QSER1: variants seen among roughly 807,000 people sequenced by gnomAD.
QSER1 encodes the protein glutamine and serine rich 1.
QSER1 carries 49 observed loss-of-function variants against 158.5 expected under a neutral mutation model. That is an observed-to-expected ratio of 0.31 (90% CI 0.25 to 0.39). QSER1 has a LOEUF of 0.39. QSER1 is among the 10% of genes least tolerant of loss of function. The pLI is 1.00. For missense variants in QSER1, 1,754 were observed against 2,010.3 expected, an observed-to-expected ratio of 0.87 and a Z score of 2.44; for synonymous variants, 650 against 715.5, an observed-to-expected ratio of 0.91 and a Z score of 1.46.
In QSER1 at chr11:32,892,912, G is replaced by A. The variant is rs1053538645; in HGVS notation, c.-214G>A. Among the ~76,000 whole-genome samples, 1 of 138,516 alleles carries A rather than the reference G, an allele frequency of 7.2e-6. No individual in the cohort carries two copies. Among genetic ancestry groups the A allele is most frequent in the Admixed American group, 7.2e-5 (1 of 13,866 alleles). 90.9% of individuals were successfully genotyped at this position (138,516 alleles called of 152,430 possible). The stretch of plus-strand genomic sequence containing the variant: ...GCCTCCGCTTCCCTGACGCCCAGCT[G>A]GGGCCTCGCCGCCCGCCGCGGCCCG... On this transcript the variant is annotated 5_prime_UTR_variant, in exon 1 of 13. Coordinates refer to ENST00000650167, the MANE Select transcript of QSER1 (RefSeq NM_001076786.3).
chr11:32,968,352 A>C (rs923327007), intron 9 of QSER1, among the ~76,000 whole-genome samples: 1 of 152,162 alleles, frequency 6.6e-6, no homozygotes, highest in Non-Finnish European at 1.5e-5. Flanking sequence ...TAAATTAAGA[A>C]AGAATCTAAT....
intron 4 of QSER1, among the ~76,000 whole-genome samples, chr11:32,940,171 T>C (rs181887734): frequency 4.6e-5 from 7 of 152,276 alleles, no homozygotes; most frequent in East Asian, 1.9e-4. Context: ...GCATTTCAGC[T>C]CTGTGACTTG....
chr11:32,953,052 T>C (rs999567541), intron 4 of QSER1, among the ~76,000 whole-genome samples: 7 of 152,014 alleles, frequency 4.6e-5, no homozygotes, highest in Non-Finnish European at 7.4e-5. Context: ...CTGCCCGCCT[T>C]GGCCTCCCAA....
At chr11:32,922,929 C>A (rs1206091629) in intron 1 of QSER1, among the ~76,000 whole-genome samples, 5 of 152,108 alleles carry the variant, frequency 3.3e-5, no homozygotes, top group Non-Finnish European at 7.3e-5. Flanking sequence ...GTTAAAGATA[C>A]ATTACTGTAT....
intron 1 of QSER1, among the ~76,000 whole-genome samples, chr11:32,901,256 G>C (rs1276516641): frequency 6.6e-6 from 1 of 152,176 alleles, no homozygotes; most frequent in Admixed American, 6.5e-5. Context: ...ATATAGGATA[G>C]CATATAGATT....
chr11:32,967,149 A>T (rs1357123107), intron 9 of QSER1, among the ~76,000 whole-genome samples: 1 of 152,222 alleles, frequency 6.6e-6, no homozygotes, highest in African/African-American at 2.4e-5. Context: ...ATTCAGCCAT[A>T]AAAAAGAGCA....
At chr11:32,914,429 A>G (rs889026134) in intron 1 of QSER1, among the ~76,000 whole-genome samples, 1 of 152,182 alleles carries the variant, frequency 6.6e-6, no homozygotes, top group African/African-American at 2.4e-5. Context: ...AGAGAATTCT[A>G]TTTTTATTAT....
intron 4 of QSER1, among the ~76,000 whole-genome samples, chr11:32,950,484 TTA>T (rs1366615558): frequency 1.3e-5 from 2 of 152,220 alleles, no homozygotes; most frequent in Non-Finnish European, 2.9e-5. Context: ...ATTTTACATG[TTA>T]TTTATATTTG....
rs750334114 is a variant in QSER1, at chr11:32,934,298, G to A, written c.3040G>A (p.Asp1014Asn). 6.2e-7 allele frequency: 1 copy of A among 1,613,974 alleles called. No homozygotes were observed. Among genetic ancestry groups the A allele is most frequent in the South Asian group, 1.1e-5 (1 of 91,068 alleles). The change falls in exon 4 of 13, where the codon GAT becomes AAT. Residue 1014 changes from aspartate (D) to asparagine (N), a missense_variant. This residue lies in a region of QSER1 where 1,707 missense variants were observed against 1,919.6 expected (regional missense o/e 0.89). Coordinates refer to ENST00000650167, the MANE Select transcript of QSER1 (RefSeq NM_001076786.3). ...NETMQAVEDG[D>N]SKSHFQQSLD... ...AACCATGCAGGCTGTTGAAGATGGT[G>A]ATTCTAAATCTCATTTTCAGCAGTC...
rs1853045870 is a variant in QSER1 at position 32,980,141 on chromosome 11, C to G, written c.*3667C>G. ...ATTGAAGTTAAGGATATAAAGAAAC[C>G]TGCATTTGTAGTCCAGCGTTTTCAT... On this transcript the variant is annotated 3_prime_UTR_variant, in exon 13 of 13. Coordinates refer to ENST00000650167, the MANE Select transcript of QSER1 (RefSeq NM_001076786.3). 6.6e-6 allele frequency: 1 copy of G among 152,568 alleles called. No homozygotes were observed. The highest frequency in any genetic ancestry group is 2.4e-5 in the African/African-American group (1 of 41,426). 9.5% of individuals were successfully genotyped at this position (152,568 alleles called of 1,614,324 possible).
At chr11:32,967,534 A>G (rs1160529041) in intron 9 of QSER1, among the ~76,000 whole-genome samples, 1 of 152,226 alleles carries the variant, frequency 6.6e-6, no homozygotes, top group Non-Finnish European at 1.5e-5. Context: ...ATATGGCATT[A>G]TAGTCTTATG....
At chr11:32,895,902 C>G (rs1425652346) in intron 1 of QSER1, among the ~76,000 whole-genome samples, 1 of 152,070 alleles carries the variant, frequency 6.6e-6, no homozygotes, top group Non-Finnish European at 1.5e-5. Flanking sequence ...TTTTATTGTA[C>G]TAACAGTGGA....
In QSER1 at chr11:32,958,041, T is replaced by C. The variant is rs752448739; in HGVS notation, c.4924T>C (p.Ser1642Pro). ...GAAAGAAGAATTTTCATCATCCCAA[T>C]CTGACTCATCTCCTGAGATCCATAC... ...KWKEEFSSSQ[S>P]DSSPEIHTSS... Residue 1642 changes from serine (S) to proline (P), a missense_variant, in exon 8 of 13, where the codon TCT (serine) becomes CCT (proline). By Grantham distance (74) the Ser-to-Pro change is moderately conservative. Coordinates refer to ENST00000650167, the MANE Select transcript of QSER1 (RefSeq NM_001076786.3). 1.9e-6 allele frequency: 3 copies of C among 1,614,012 alleles called. No individual in the cohort carries two copies. The highest frequency in any genetic ancestry group is 2.2e-5 in the East Asian group (1 of 44,876).
Position 32,932,935 on chromosome 11 carries a change from C to T in QSER1, c.1677C>T (p.His559=). The T allele has an allele frequency of 1.2e-6, 2 of 1,613,656 alleles. No homozygotes were observed. The highest frequency in any genetic ancestry group is 1.7e-6 in the Non-Finnish European group (2 of 1,179,906). ...VSQSQSYSSG[H]SQGLSPVSQT... is the part of the protein sequence containing the mutation. ...AGTCTCAAAGTTACTCATCTGGTCA[C>T]TCTCAGGGTTTATCACCAGTTAGCC... is the stretch of plus-strand genomic sequence containing the variant. Residue 559 remains histidine (H), a synonymous_variant, in exon 4 of 13, where the codon CAC becomes CAT. Transcript: ENST00000650167.
intron 8 of QSER1, among the ~76,000 whole-genome samples, chr11:32,964,739 TAC>T (rs1176492165): frequency 0.011 from 1,084 of 100,336 alleles, 32 homozygotes; most frequent in African/African-American, 0.022. Context: ...TATATATATA[TAC>T]ACACACACAC....
chr11:32,909,027 G>A (rs760706927), intron 1 of QSER1, among the ~76,000 whole-genome samples: 34 of 152,116 alleles, frequency 2.2e-4, no homozygotes, highest in Admixed American at 1.0e-3. Flanking sequence ...GGGCGTGGTG[G>A]TACACGCCTA....
intron 1 of QSER1, among the ~76,000 whole-genome samples, chr11:32,918,957 AC>A (rs1346886081): frequency 6.6e-6 from 1 of 151,872 alleles, no homozygotes; most frequent in Non-Finnish European, 1.5e-5. Context: ...GTTCCCATAC[AC>A]CCCCCACCTA....
At chr11:32,970,141 T>C (rs1234627043) in intron 10 of QSER1, among the ~76,000 whole-genome samples, 1 of 152,218 alleles carries the variant, frequency 6.6e-6, no homozygotes, top group Admixed American at 6.5e-5. Flanking sequence ...CATTTTTTAA[T>C]TGATGGTAAC....
intron 1 of QSER1, among the ~76,000 whole-genome samples, chr11:32,924,469 A>AG: frequency 6.6e-6 from 1 of 150,984 alleles, no homozygotes; most frequent in East Asian, 2.0e-4. Flanking sequence ...CTGAGGTGAG[A>AG]GAATCACCTG....
Sources: gnomAD v4.1 joint callset for allele counts (sites outside exome capture counted in the v4.1 genomes callset) on GRCh38, gnomAD v4.1.1 for gene constraint, gnomAD v4.1.1 regional missense constraint, MANE v1.5 for transcripts, NCBI Gene and HGNC (gene_info 2026-07-23, HGNC 2026-07-21) for gene names.